The following ADCY5 variants were observed in gnomAD, a reference collection of about 807,000 sequenced individuals.
The protein encoded by ADCY5 is adenylate cyclase 5, also known as adenylate cyclase type 5.
In ADCY5, 30 loss-of-function variants were observed where a neutral mutation model predicts 119.7. The ratio of observed to expected loss-of-function variants is 0.25; its 90% CI spans 0.19 to 0.34. The LOEUF is 0.34. ADCY5 is among the 10% of genes least tolerant of loss of function. The pLI is 1.00. For synonymous variants in ADCY5, 753 were observed against 762.2 expected (o/e 0.99, Z 0.20); for missense variants, 1,324 against 1,775.2 (o/e 0.75, Z 4.57).
chr3:123,335,923 A>C (rs72964564), intron 3 of ADCY5, among the ~76,000 whole-genome samples: 31,756 of 152,200 alleles, frequency 0.21, 3,497 homozygotes, highest in Admixed American at 0.28. Context: ...AGAAATGGGG[A>C]CAGGGACAAG....
Position 123,284,484 on chromosome 3 carries a change from T to G in ADCY5, c.*124A>C. ...GGCAGAAGCTGCTCTGGAGTCCAAG[T>G]GGAAAATCTCAGCAGCGCAGCCCTG... On this transcript the variant is annotated 3_prime_UTR_variant, in exon 21 of 21. Coordinates refer to ENST00000462833, the MANE Select transcript of ADCY5 (RefSeq NM_183357.3). The G allele has an allele frequency of 6.9e-7, 1 of 1,449,976 alleles. No homozygotes were observed. Among genetic ancestry groups the G allele is most frequent in the Non-Finnish European group, 9.3e-7 (1 of 1,076,738 alleles). 89.8% of individuals were successfully genotyped at this position (1,449,976 alleles called of 1,614,324 possible).
At chr3:123,358,734 G>A (rs1331866977) in intron 1 of ADCY5, among the ~76,000 whole-genome samples, 1 of 152,212 alleles carries the variant, frequency 6.6e-6, no homozygotes, top group East Asian at 1.9e-4. Flanking sequence ...TCTATTCTCA[G>A]AGTCAAAACC....
At chr3:123,391,553 G>C (rs1355399387) in intron 1 of ADCY5, among the ~76,000 whole-genome samples, 1 of 152,020 alleles carries the variant, frequency 6.6e-6, no homozygotes, top group Admixed American at 6.6e-5. Context: ...ACACTGCCTG[G>C]GCTGTCTCCA....
chr3:123,282,499 C>T lies in ADCY5; in HGVS notation c.*2109G>A, dbSNP rs80312230. On this transcript the variant is annotated 3_prime_UTR_variant, in exon 21 of 21. Coordinates refer to ENST00000462833, the MANE Select transcript of ADCY5 (RefSeq NM_183357.3). Reference sequence around the variant, plus strand: ...AGGGGTCCCCATGGGGCCGGGAAGCCATGACCATGGGAGAACATGGGATGA... The same window carrying T: ...AGGGGTCCCCATGGGGCCGGGAAGCTATGACCATGGGAGAACATGGGATGA... 1,309 of 152,498 alleles carry T rather than the reference C, an allele frequency of 8.6e-3. 9 individuals are homozygous for T. The highest frequency in any genetic ancestry group is 0.03 in the African/African-American group (1,228 of 41,568). The allele number at this position is 152,498 out of a possible 1,614,324, so 9.4% of individuals were successfully genotyped here. A position where few individuals can be genotyped will look rare whatever the true frequency, so the allele number is the denominator to read the frequency against.
chr3:123,441,870 C>T (rs1576699745), intron 1 of ADCY5, among the ~76,000 whole-genome samples: 1 of 151,668 alleles, frequency 6.6e-6, no homozygotes, highest in Non-Finnish European at 1.5e-5. Flanking sequence ...TCCCAAAATG[C>T]GGGCTCACAT....
chr3:123,311,430 T>C (rs906084445), intron 12 of ADCY5, among the ~76,000 whole-genome samples: 2 of 152,160 alleles, frequency 1.3e-5, no homozygotes, highest in African/African-American at 4.8e-5. Flanking sequence ...GCCATGCACA[T>C]GGCAGGAGGT....
chr3:123,432,031 C>A (rs909998208), intron 1 of ADCY5, among the ~76,000 whole-genome samples: 2 of 152,162 alleles, frequency 1.3e-5, no homozygotes, highest in East Asian at 3.9e-4. Context: ...CCTTGACGTA[C>A]CTTTACTTCC....
At chr3:123,359,622 G>C (rs1277734471) in intron 1 of ADCY5, among the ~76,000 whole-genome samples, 1 of 151,966 alleles carries the variant, frequency 6.6e-6, no homozygotes, top group East Asian at 1.9e-4. Flanking sequence ...GGTAAGATCT[G>C]ATTTTCCAAA....
intron 1 of ADCY5, among the ~76,000 whole-genome samples, chr3:123,423,307 G>A (rs911433676): frequency 1.3e-5 from 2 of 152,164 alleles, no homozygotes; most frequent in African/African-American, 2.4e-5. Flanking sequence ...ACCCATCCCC[G>A]CCCCACCCCT....
intron 1 of ADCY5, among the ~76,000 whole-genome samples, chr3:123,424,784 G>A (rs1053037653): frequency 4.6e-5 from 7 of 152,180 alleles, no homozygotes; most frequent in Non-Finnish European, 8.8e-5. Context: ...GCACGCACGC[G>A]CGCATGTCAG....
intron 1 of ADCY5, chr3:123,419,141 G>A: frequency 1.0e-6 from 1 of 985,214 alleles, no homozygotes; most frequent in Non-Finnish European, 1.2e-6. Flanking sequence ...AACGCTGATA[G>A]TGCAGCCGGT....
At chr3:123,400,063 A>T (rs577935150) in intron 1 of ADCY5, among the ~76,000 whole-genome samples, 1 of 152,350 alleles carries the variant, frequency 6.6e-6, no homozygotes, top group East Asian at 1.9e-4. Flanking sequence ...CTCTTGCCCC[A>T]TCAAGAATTG....
chr3:123,370,885 C>G (rs1377145145), intron 1 of ADCY5, among the ~76,000 whole-genome samples: 1 of 150,350 alleles, frequency 6.7e-6, no homozygotes, highest in Non-Finnish European at 1.5e-5. Flanking sequence ...AGGGAGAAAT[C>G]ACAACACACA....
intron 1 of ADCY5, among the ~76,000 whole-genome samples, chr3:123,375,092 C>T (rs12638918): frequency 0.16 from 24,067 of 152,210 alleles, 2,140 homozygotes; most frequent in East Asian, 0.4. Context: ...CAGGCCCCAT[C>T]CCCTGGTGAC....
chr3:123,442,260 T>G (rs916179306), intron 1 of ADCY5, among the ~76,000 whole-genome samples: 1 of 151,080 alleles, frequency 6.6e-6, no homozygotes, highest in Non-Finnish European at 1.5e-5. Flanking sequence ...TTAACTGAAG[T>G]AGCAAGCAGG....
At position 123,447,656 on chromosome 3, in the gene ADCY5, T is replaced by G. The variant is rs1945847548; in HGVS notation, c.890A>C (p.His297Pro). ...LCNRAAFHQD[H>P]MGLACYALIA... ...GAGCGCATAGCAGGCCAGGCCCATG[T>G]GGTCCTGGTGGAAGGCGGCGCGGTT... Residue 297 changes from histidine to proline, a missense_variant, in exon 1 of 21, where the codon CAC becomes CCC. Coordinates refer to ENST00000462833, the MANE Select transcript of ADCY5 (RefSeq NM_183357.3). The G allele has an allele frequency of 6.2e-7, 1 of 1,607,356 alleles. No individual in the cohort carries two copies. Among genetic ancestry groups the G allele is most frequent in the Non-Finnish European group, 8.5e-7 (1 of 1,176,888 alleles).
chr3:123,366,362 T>C (rs1943436293), intron 1 of ADCY5, among the ~76,000 whole-genome samples: 1 of 152,234 alleles, frequency 6.6e-6, no homozygotes, highest in Non-Finnish European at 1.5e-5. Flanking sequence ...CAGAGTGATC[T>C]GCCTCCTTAC....
intron 8 of ADCY5, among the ~76,000 whole-genome samples, chr3:123,322,974 G>A (rs904804729): frequency 2.0e-5 from 3 of 152,142 alleles, no homozygotes; most frequent in Non-Finnish European, 4.4e-5. Flanking sequence ...GTGAAAGCTC[G>A]CCTTCCATGG....
At chr3:123,323,160 G>A (rs1443328272) in intron 8 of ADCY5, among the ~76,000 whole-genome samples, 2 of 152,156 alleles carry the variant, frequency 1.3e-5, no homozygotes, top group Non-Finnish European at 2.9e-5. Flanking sequence ...GCCAGGACAG[G>A]AGCCTCTGTT....
Sources: gnomAD v4.1 joint callset for allele counts (sites outside exome capture counted in the v4.1 genomes callset) on GRCh38, gnomAD v4.1.1 for gene constraint, MANE v1.5 for transcripts, NCBI Gene and HGNC (gene_info 2026-07-23, HGNC 2026-07-21) for gene names.